Variants in PLCB1 observed in about 807,000 individuals in gnomAD.
PLCB1 encodes the protein 1-phosphatidylinositol 4,5-bisphosphate phosphodiesterase beta-1.
In PLCB1, 46 loss-of-function variants were observed where a neutral mutation model predicts 161.8. That is an observed-to-expected ratio of 0.28 (90% CI 0.22 to 0.36). The LOEUF (loss-of-function observed/expected upper bound fraction) is 0.36. PLCB1 is among the 10% of genes least tolerant of loss of function. PLCB1 has a pLI of 1.00. For missense variants in PLCB1, 1,016 were observed against 1,472.5 expected, an observed-to-expected ratio of 0.69 and a Z score of 5.07; for synonymous variants, 517 against 503.7, an observed-to-expected ratio of 1.03 and a Z score of -0.35.
intron 3 of PLCB1, among the ~76,000 whole-genome samples, chr20:8,571,368 G>C (rs950343607): frequency 1.3e-5 from 2 of 152,230 alleles, no homozygotes; most frequent in African/African-American, 4.8e-5. Context: ...TGTGATCCCA[G>C]CTACTCGGGA....
chr20:8,749,728 C>T (rs2123543355), intron 23 of PLCB1, among the ~76,000 whole-genome samples: 1 of 152,206 alleles, frequency 6.6e-6, no homozygotes, highest in South Asian at 2.1e-4. Flanking sequence ...CCTTTGATAG[C>T]CTGCTGAGTA....
intron 31 of PLCB1, among the ~76,000 whole-genome samples, chr20:8,881,363 T>A (rs930404633): frequency 2.3e-5 from 2 of 86,930 alleles, no homozygotes; most frequent in Non-Finnish European, 5.5e-5. Context: ...GTGTGTGCAT[T>A]TGTAGATACC....
At chr20:8,811,144 GGA>G (rs1485696730) in intron 31 of PLCB1, among the ~76,000 whole-genome samples, 1 of 152,206 alleles carries the variant, frequency 6.6e-6, no homozygotes, top group Non-Finnish European at 1.5e-5. Context: ...GAATGCTACA[GGA>G]GAGTCTTCTT....
chr20:8,369,677 G>C (rs1239213613), intron 2 of PLCB1, among the ~76,000 whole-genome samples: 1 of 152,144 alleles, frequency 6.6e-6, no homozygotes, highest in Admixed American at 6.5e-5. Flanking sequence ...CACACCCCAG[G>C]GGTTTGGGAG....
chr20:8,699,013 T>C (rs556664465), intron 11 of PLCB1, among the ~76,000 whole-genome samples: 1 of 152,166 alleles, frequency 6.6e-6, no homozygotes, highest in Admixed American at 6.5e-5. Flanking sequence ...GTAGGGGCCA[T>C]TGGAGTAGGG....
Position 8,528,534 on chromosome 20 carries a change from G to T in PLCB1, c.247-99760G>T, listed in dbSNP as rs573791733. 1.7e-4 allele frequency among the ~76,000 whole-genome samples: 26 copies of T among 152,112 alleles called. 1 individual carries two copies. Among genetic ancestry groups the T allele is most frequent in the Admixed American group, 7.2e-4 (11 of 15,242 alleles). On this transcript the variant is annotated intron_variant, in intron 3 of 31. Transcript: ENST00000338037. ...TAGAACAGTGATTTACCTCTAGTGG[G>T]AAGGTCAGGAACTGGCTTGTGATGA... is the stretch of plus-strand genomic sequence containing the variant.
intron 2 of PLCB1, among the ~76,000 whole-genome samples, chr20:8,281,563 A>G (rs1055263179): frequency 6.6e-6 from 1 of 152,172 alleles, no homozygotes; most frequent in Non-Finnish European, 1.5e-5. Context: ...AAATAGTTCA[A>G]TTAGGTAGCC....
intron 1 of PLCB1, among the ~76,000 whole-genome samples, chr20:8,146,679 T>C (rs1337846994): frequency 6.6e-6 from 1 of 152,236 alleles, no homozygotes; most frequent in African/African-American, 2.4e-5. Context: ...GAATTGTTTC[T>C]CATTCTTCAG....
chr20:8,643,234 G>T (rs775034036), intron 4 of PLCB1, among the ~76,000 whole-genome samples: 23 of 152,060 alleles, frequency 1.5e-4, no homozygotes, highest in Non-Finnish European at 2.2e-4. Context: ...TCCTTGACCT[G>T]GCTGCCAGAT....
At chr20:8,602,454 C>A (rs763230830) in intron 3 of PLCB1, among the ~76,000 whole-genome samples, 2 of 152,104 alleles carry the variant, frequency 1.3e-5, no homozygotes, top group African/African-American at 4.8e-5. Flanking sequence ...CTTATCTATC[C>A]CTGTCCAAAT....
At chr20:8,781,270 G>A (rs1983205877) in intron 27 of PLCB1, among the ~76,000 whole-genome samples, 1 of 151,896 alleles carries the variant, frequency 6.6e-6, no homozygotes, top group South Asian at 2.1e-4. Context: ...AAAAAATGTT[G>A]CATTTTTCTA....
chr20:8,691,803 A>G lies in PLCB1; in HGVS notation c.1010-5823A>G, dbSNP rs1474068462. ...AAAATAAATTGTATCATTGAGAGAA[A>G]TAGATGCACTGAATGAGTGGTTTTT... On this transcript the variant is annotated intron_variant, in intron 10 of 31. Coordinates refer to ENST00000338037, the MANE Select transcript of PLCB1 (RefSeq NM_015192.4). Among the ~76,000 whole-genome samples the G allele has an allele frequency of 2.0e-5, 3 of 152,184 alleles. No homozygotes were observed. The East Asian group carries it at 5.8e-4, about 29-fold the overall frequency.
chr20:8,784,183 G>C (rs1983368671), intron 27 of PLCB1, among the ~76,000 whole-genome samples: 1 of 152,100 alleles, frequency 6.6e-6, no homozygotes, highest in Non-Finnish European at 1.5e-5. Context: ...TAATTATTCT[G>C]TCTCCTGGAG....
At chr20:8,320,852 AAAGAG>A in intron 2 of PLCB1, among the ~76,000 whole-genome samples, 1 of 150,088 alleles carries the variant, frequency 6.7e-6, no homozygotes, top group African/African-American at 2.5e-5. Flanking sequence ...GGAGGGAGGG[AAAGAG>A]AGAGAAAGAA....
chr20:8,295,708 C>A (rs1488646463), intron 2 of PLCB1, among the ~76,000 whole-genome samples: 1 of 151,678 alleles, frequency 6.6e-6, no homozygotes, highest in South Asian at 2.1e-4. Flanking sequence ...ATATATATAT[C>A]CTCTTTTTTA....
intron 10 of PLCB1, among the ~76,000 whole-genome samples, chr20:8,685,714 G>C (rs1990344851): frequency 6.6e-6 from 1 of 151,866 alleles, no homozygotes; most frequent in Non-Finnish European, 1.5e-5. Flanking sequence ...CCCAACCTGG[G>C]TGACAAGAAT....
chr20:8,817,264 A>T (rs1482570318), intron 31 of PLCB1, among the ~76,000 whole-genome samples: 1 of 152,238 alleles, frequency 6.6e-6, no homozygotes, highest in Non-Finnish European at 1.5e-5. Context: ...GACAAGGTCC[A>T]AGTGAAAGCA....
At chr20:8,277,246 T>C (rs944980471) in intron 2 of PLCB1, among the ~76,000 whole-genome samples, 1 of 151,976 alleles carries the variant, frequency 6.6e-6, no homozygotes, top group Non-Finnish European at 1.5e-5. Flanking sequence ...ATGAAAATTA[T>C]ATGTGAAATC....
chr20:8,570,775 A>G (rs1425277144), intron 3 of PLCB1, among the ~76,000 whole-genome samples: 2 of 152,174 alleles, frequency 1.3e-5, no homozygotes, highest in African/African-American at 2.4e-5. Flanking sequence ...GAAGTAACTA[A>G]AGCAAGGTGC....
Sources: gnomAD v4.1 joint callset for allele counts (sites outside exome capture counted in the v4.1 genomes callset) on GRCh38, gnomAD v4.1.1 for gene constraint, MANE v1.5 for transcripts, NCBI Gene and HGNC (gene_info 2026-07-23, HGNC 2026-07-21) for gene names.